The following COMMD6 variants were observed in gnomAD, a reference collection of about 807,000 sequenced individuals.
The protein encoded by COMMD6 is COMM domain containing 6.
A neutral mutation model predicts 13.4 loss-of-function variants in COMMD6; 11 were observed. That is an observed-to-expected ratio of 0.82 (90% CI 0.52 to 1.36). COMMD6 has a LOEUF of 1.36. COMMD6 is among the 40% of genes most tolerant of loss of function. COMMD6 has a pLI of 0.00. For synonymous variants in COMMD6, 43 were observed against 36.5 expected (o/e 1.18, Z -0.64); for missense variants, 124 against 102.4 (o/e 1.21, Z -0.91).
chr13:75,530,473 A>G, intron 2 of COMMD6: 1 of 363,714 alleles, frequency 2.7e-6, no homozygotes, highest in East Asian at 4.1e-5. Flanking sequence ...GTTAAAAAAC[A>G]CCATCATAGT....
Position 75,537,819 on chromosome 13 carries a change from G to A in COMMD6, c.-14C>T, listed in dbSNP as rs755419276. 1.3e-6 allele frequency: 2 copies of A among 1,592,718 alleles called. No individual in the cohort carries two copies. Among genetic ancestry groups the A allele is most frequent in the Non-Finnish European group, 1.7e-6 (2 of 1,167,144 alleles). ...GGACGCCTCCATGGGCAGCGTCTGG[G>A]ACTTGCGGCCCGGACTCGAGAGAAC... On this transcript the variant is annotated 5_prime_UTR_variant, in exon 1 of 4. Coordinates refer to ENST00000682242, the MANE Select transcript of COMMD6 (RefSeq NM_203495.4).
chr13:75,537,793 T>C lies in COMMD6; in HGVS notation c.13A>G (p.Ser5Gly), dbSNP rs111633743. Reference sequence around the variant, plus strand: ...GACTTAGCATCCAGCGGCGGCTCGCTGGACGCCTCCATGGGCAGCGTCTGG... The same window carrying C: ...GACTTAGCATCCAGCGGCGGCTCGCCGGACGCCTCCATGGGCAGCGTCTGG... MEAS[S>G]EPPLDAKSDV... The change falls in exon 1 of 4, where the codon AGC becomes GGC. Residue 5 changes from serine to glycine, a missense_variant. By Grantham distance (56) the Ser-to-Gly change is moderately conservative. Transcript: ENST00000682242. 5.5e-4 allele frequency: 878 copies of C among 1,610,338 alleles called. 9 individuals are homozygous for C. In the African/African-American group the frequency reaches 1.0e-2, roughly 18 times the overall value.
At chr13:75,535,700 C>T (rs6562905) in intron 2 of COMMD6, among the ~76,000 whole-genome samples, 114,851 of 151,910 alleles carry the variant, frequency 0.76, 44,913 homozygotes, top group East Asian at 1. Context: ...CCTGTGACCT[C>T]GCTTCTCTGA....
chr13:75,537,536 G>T, intron 2 of COMMD6, 128 bp downstream of exon 2: 10 of 1,590,310 alleles, frequency 6.3e-6, no homozygotes, highest in Middle Eastern at 1.7e-4. Flanking sequence ...ATGCAAGAGG[G>T]ACGGCTGAAG....
At chr13:75,539,874 A>G (rs1230088172), upstream of COMMD6, among the ~76,000 whole-genome samples, 1 of 152,172 alleles carries the variant, frequency 6.6e-6, no homozygotes, top group Non-Finnish European at 1.5e-5. Flanking sequence ...CCCTGAATGA[A>G]TCAGACGATT....
chr13:75,527,843 G>A (rs77512031), intron 3 of COMMD6: 77,781 of 1,508,600 alleles, frequency 0.052, 2,375 homozygotes, highest in Non-Finnish European at 0.061. Context: ...AGGTTGCCAG[G>A]AGCTGAGGCT....
rs781144062 is a variant in COMMD6 at position 75,526,547 on chromosome 13, G to C, written c.*42C>G. 45 of 1,406,072 alleles carry C rather than the reference G, an allele frequency of 3.2e-5. No homozygotes were observed. Among genetic ancestry groups the C allele is most frequent in the Non-Finnish European group, 4.3e-5 (44 of 1,015,338 alleles). The allele number at this position is 1,406,072 out of a possible 1,614,324, so 87.1% of individuals were successfully genotyped here. ...TTTTGTTGCCGAAAGTGAAGTCCAT[G>C]ACTTTAGAATGATAGCAATTTATCA... is the stretch of plus-strand genomic sequence containing the variant. On this transcript the variant is annotated 3_prime_UTR_variant, in exon 4 of 4. Transcript: ENST00000682242.
In COMMD6 at chr13:75,544,933, A is replaced by AAAAAAC. The variant is rs910578918; in HGVS notation, n.106+4389_106+4390insGTTTTT. On this transcript the variant is annotated intron_variant and non_coding_transcript_variant, in intron 1 of 2. Coordinates refer to the COMMD6 transcript ENST00000460675. ...CAAGCAAGACTCTGTCTCCAAAAAAAAAAAAAAAACAAAAAACAAGACTTA... is the reference window on the plus strand; with the variant it reads ...CAAGCAAGACTCTGTCTCCAAAAAAAAAAAACAAAAAAAAACAAAAAACAAGACTTA... 1.9e-4 allele frequency among the ~76,000 whole-genome samples: 29 copies of AAAAAAC among 151,190 alleles called. 1 individual carries two copies. The South Asian group carries it at 4.6e-3, about 24-fold the overall frequency.
intron 2 of COMMD6, among the ~76,000 whole-genome samples, chr13:75,533,874 A>C (rs891381835): frequency 6.6e-6 from 1 of 152,218 alleles, no homozygotes; most frequent in South Asian, 2.1e-4. Context: ...GAAAGTGGCT[A>C]AAAATCCAAG....
chr13:75,546,431 G>A (rs149302826), intron 1 of COMMD6, among the ~76,000 whole-genome samples: 1 of 152,216 alleles, frequency 6.6e-6, no homozygotes, highest in Non-Finnish European at 1.5e-5. Flanking sequence ...AAATCCCTCA[G>A]AATATAAGAA....
intron 3 of COMMD6, among the ~76,000 whole-genome samples, chr13:75,528,291 A>C (rs1340032415): frequency 6.6e-6 from 1 of 152,112 alleles, no homozygotes; most frequent in Non-Finnish European, 1.5e-5. Context: ...TGCTGCACAG[A>C]ATAATAACAA....
chr13:75,546,420 C>G (rs1255246209), intron 1 of COMMD6, among the ~76,000 whole-genome samples: 1 of 152,104 alleles, frequency 6.6e-6, no homozygotes, highest in African/African-American at 2.4e-5. Context: ...GAGAAATCAC[C>G]AAATCCCTCA....
chr13:75,529,815 A>G (rs142185882), intron 3 of COMMD6: 1 of 229,798 alleles, frequency 4.4e-6, no homozygotes, highest in Non-Finnish European at 8.4e-6. Context: ...AAAACATTTA[A>G]ATGCAAAGTA....
chr13:75,537,627 G>C lies in COMMD6; in HGVS notation c.54+37C>G, dbSNP rs771659559. 3.7e-5 allele frequency: 59 copies of C among 1,613,448 alleles called. No individual in the cohort carries two copies. In the Admixed American group the frequency reaches 9.8e-4, roughly 27 times the overall value. On this transcript the variant is annotated intron_variant, in intron 2 of 3. Transcript: ENST00000682242. ...ACGGCCTCGCGGCCGTGGGAGGCAG[G>C]CTGGCGGAGGACAGGGCGGGGCGGC...
upstream of COMMD6, among the ~76,000 whole-genome samples, chr13:75,540,322 A>C (rs1403948351): frequency 1.6e-5 from 2 of 128,510 alleles, no homozygotes; most frequent in African/African-American, 6.0e-5. Context: ...AGGGGGTGGT[A>C]AATACACACA....
intron 3 of COMMD6, among the ~76,000 whole-genome samples, chr13:75,528,759 T>C (rs143959505): frequency 3.2e-4 from 49 of 151,906 alleles, no homozygotes; most frequent in African/African-American, 1.1e-3. Context: ...GGAGCATCGC[T>C]TGAACCCAGG....
intron 3 of COMMD6, among the ~76,000 whole-genome samples, chr13:75,528,011 A>G (rs1252004709): frequency 7.9e-5 from 11 of 139,922 alleles, no homozygotes; most frequent in African/African-American, 2.6e-4. Flanking sequence ...GCACACACAC[A>G]CACACACACA....
upstream of COMMD6, among the ~76,000 whole-genome samples, chr13:75,541,304 T>G (rs1212315517): frequency 6.6e-6 from 1 of 152,118 alleles, no homozygotes; most frequent in Non-Finnish European, 1.5e-5. Flanking sequence ...AGCTTCAGGG[T>G]CAACAGAATT....
intron 3 of COMMD6, chr13:75,527,944 C>A: frequency 7.7e-7 from 1 of 1,294,320 alleles, no homozygotes; most frequent in Non-Finnish European, 1.0e-6. Flanking sequence ...ATGGTGACTA[C>A]AGTAATATTG....
Sources: allele counts gnomAD v4.1 joint callset (sites outside exome capture counted in the v4.1 genomes callset), GRCh38; gene constraint gnomAD v4.1.1; transcripts MANE v1.5; gene names NCBI Gene and HGNC (gene_info 2026-07-23, HGNC 2026-07-21).